The following ATF6 variants were observed in gnomAD, a reference collection of about 807,000 sequenced individuals.
The protein encoded by ATF6 is cyclic AMP-dependent transcription factor ATF-6 alpha.
In ATF6, 53 loss-of-function variants were observed where a neutral mutation model predicts 83.6. The ratio of observed to expected loss-of-function variants is 0.63; its 90% CI spans 0.51 to 0.80. The LOEUF (loss-of-function observed/expected upper bound fraction) is 0.80. ATF6 is among the 30% of genes least tolerant of loss of function. The pLI, the probability that ATF6 is intolerant of heterozygous loss-of-function variation, is 0.00. For missense variants in ATF6, 744 were observed against 797.9 expected, an observed-to-expected ratio of 0.93 and a Z score of 0.81; for synonymous variants, 288 against 285.8, an observed-to-expected ratio of 1.01 and a Z score of -0.08.
At chr1:161,905,538 G>A (rs1687863110) in intron 14 of ATF6, among the ~76,000 whole-genome samples, 1 of 152,138 alleles carries the variant, frequency 6.6e-6, no homozygotes, top group African/African-American at 2.4e-5. Context: ...CAGTAGTCCT[G>A]AGTAAAGTGA....
At chr1:161,892,631 T>C (rs1687581380) in intron 14 of ATF6, among the ~76,000 whole-genome samples, 1 of 147,654 alleles carries the variant, frequency 6.8e-6, no homozygotes, top group Non-Finnish European at 1.5e-5. Flanking sequence ...GGTCATTCTT[T>C]TTTTTTTTTT....
intron 15 of ATF6, among the ~76,000 whole-genome samples, chr1:161,932,413 T>C (rs1010155220): frequency 4.6e-5 from 7 of 152,196 alleles, no homozygotes; most frequent in African/African-American, 1.4e-4. Context: ...TTGATTTCTA[T>C]AGCCTTTTGA....
At chr1:161,831,147 C>A (rs1686049059) in intron 9 of ATF6, among the ~76,000 whole-genome samples, 1 of 152,200 alleles carries the variant, frequency 6.6e-6, no homozygotes, top group African/African-American at 2.4e-5. Flanking sequence ...TATGAACAGA[C>A]ACTTCTCAAA....
intron 9 of ATF6, among the ~76,000 whole-genome samples, chr1:161,833,223 A>G (rs1182290020): frequency 6.6e-6 from 1 of 152,218 alleles, no homozygotes; most frequent in African/African-American, 2.4e-5. Flanking sequence ...ACTAACAAAC[A>G]GAAAGGACAT....
intron 9 of ATF6, among the ~76,000 whole-genome samples, chr1:161,829,332 A>G (rs1211609442): frequency 1.3e-5 from 2 of 151,516 alleles, no homozygotes; most frequent in African/African-American, 2.4e-5. Context: ...CCCCACTGTC[A>G]ACATTAGACA....
intron 15 of ATF6, among the ~76,000 whole-genome samples, chr1:161,917,694 A>G (rs1688129001): frequency 6.6e-6 from 1 of 152,208 alleles, no homozygotes; most frequent in Admixed American, 6.5e-5. Context: ...TGCTGGGATT[A>G]CAGGCGTGAG....
intron 9 of ATF6, chr1:161,840,424 G>A (rs1441751519): frequency 2.0e-5 from 3 of 152,174 alleles, no homozygotes; most frequent in Non-Finnish European, 4.4e-5. Context: ...TTGAGGATAA[G>A]AAGCAGTTTC....
chr1:161,808,734 T>C (rs1239324080), intron 7 of ATF6, among the ~76,000 whole-genome samples: 1 of 122,916 alleles, frequency 8.1e-6, no homozygotes, highest in Non-Finnish European at 1.8e-5. Flanking sequence ...TAAATTTTGA[T>C]TTTTTTTTTT....
intron 14 of ATF6, among the ~76,000 whole-genome samples, chr1:161,897,319 A>T (rs541250801): frequency 6.6e-6 from 1 of 152,198 alleles, no homozygotes; most frequent in Admixed American, 6.5e-5. Context: ...CTGTAGTCCC[A>T]GCTACTCACA....
In ATF6 at chr1:161,792,315, G is replaced by C. The variant is rs749688488; in HGVS notation, c.676G>C (p.Ala226Pro). ...GCAACCAATTATCAGTTTACAACCT[G>C]CACCCACTAAAGGTACCTGAGCAGA... ...KQQPIISLQP[A>P]PTKGQTVLLS... is the part of the protein sequence containing the mutation. The change falls in exon 6 of 16, where the codon GCA becomes CCA. Residue 226 changes from alanine to proline, a missense_variant. Physicochemically the swap from Ala to Pro is conservative, Grantham distance 27 (BLOSUM62 -1). Transcript: ENST00000367942. 2 of 1,613,626 alleles carry C rather than the reference G, an allele frequency of 1.2e-6. No individual in the cohort carries two copies. Among genetic ancestry groups the C allele is most frequent in the African/African-American group, 2.7e-5 (2 of 75,044 alleles).
intron 2 of ATF6, among the ~76,000 whole-genome samples, chr1:161,778,893 A>AT (rs1371879183): frequency 6.6e-6 from 1 of 152,034 alleles, no homozygotes; most frequent in African/African-American, 2.4e-5. Flanking sequence ...TAGAACTTTG[A>AT]TTTTGTCTTA....
intron 14 of ATF6, among the ~76,000 whole-genome samples, chr1:161,883,736 T>A (rs1378130790): frequency 6.6e-6 from 1 of 152,042 alleles, no homozygotes; most frequent in Non-Finnish European, 1.5e-5. Context: ...TCTATCAGCA[T>A]AGGTTCTGTA....
At position 161,784,116 on chromosome 1, in the gene ATF6, C is replaced by G; in HGVS notation, c.354+20C>G. 6.4e-7 allele frequency: 1 copy of G among 1,566,960 alleles called. No homozygotes were observed. Among genetic ancestry groups the G allele is most frequent in the Non-Finnish European group, 8.8e-7 (1 of 1,140,356 alleles). On this transcript the variant is annotated intron_variant, in intron 4 of 15. Coordinates refer to ENST00000367942, the MANE Select transcript of ATF6 (RefSeq NM_007348.4). ...GTTCCTGTGAGTAGCCAGTCTTTTA[C>G]AATGATTTTGGTTATAATATGCTAT...
At chr1:161,897,591 G>A (rs970764269) in intron 14 of ATF6, among the ~76,000 whole-genome samples, 34 of 152,180 alleles carry the variant, frequency 2.2e-4, no homozygotes, top group African/African-American at 7.2e-4. Flanking sequence ...TTTTCTGTTC[G>A]GGAGGAAGCC....
At chr1:161,797,935 G>A (rs1396280788) in intron 6 of ATF6, among the ~76,000 whole-genome samples, 3 of 152,196 alleles carry the variant, frequency 2.0e-5, no homozygotes, top group Non-Finnish European at 4.4e-5. Context: ...CAAGACTACA[G>A]TAACCAAAAC....
intron 7 of ATF6, among the ~76,000 whole-genome samples, chr1:161,804,689 T>C (rs915696276): frequency 6.7e-6 from 1 of 148,274 alleles, no homozygotes; most frequent in East Asian, 2.0e-4. Flanking sequence ...TTTTTTTTTT[T>C]CTACTTTTAG....
chr1:161,766,447 G>A lies in ATF6; in HGVS notation c.82+5G>A, dbSNP rs797045170. 4.3e-6 allele frequency: 7 copies of A among 1,612,528 alleles called. No individual in the cohort carries two copies. Among genetic ancestry groups the A allele is most frequent in the Admixed American group, 1.7e-5 (1 of 59,746 alleles). On this transcript the variant is annotated splice_donor_5th_base_variant and intron_variant, in intron 1 of 15. Coordinates refer to ENST00000367942, the MANE Select transcript of ATF6 (RefSeq NM_007348.4). ...ACAGGCTGGATGAAGATTGGGGTGA[G>A]TGGGATCTGAGAATGTACCAGGGTG...
intron 7 of ATF6, among the ~76,000 whole-genome samples, chr1:161,804,344 T>TA (rs1305052743): frequency 6.6e-6 from 1 of 152,050 alleles, no homozygotes; most frequent in Admixed American, 6.6e-5. Flanking sequence ...TCACTGTTGT[T>TA]AAAAAATATT....
chr1:161,784,120 G>C (rs1684695989), intron 4 of ATF6, 24 bp downstream of exon 4: 2 of 1,550,858 alleles, frequency 1.3e-6, no homozygotes, highest in African/African-American at 1.4e-5. Flanking sequence ...CTTTTACAAT[G>C]ATTTTGGTTA....
Sources: gnomAD v4.1 joint callset for allele counts (sites outside exome capture counted in the v4.1 genomes callset) on GRCh38, gnomAD v4.1.1 for gene constraint, MANE v1.5 for transcripts, NCBI Gene and HGNC (gene_info 2026-07-23, HGNC 2026-07-21) for gene names.